Variants in UBE2E1 observed in about 807,000 individuals in gnomAD.
The protein encoded by UBE2E1 is ubiquitin-conjugating enzyme E2 E1.
A neutral mutation model predicts 21.4 loss-of-function variants in UBE2E1; 6 were observed. The observed-to-expected ratio is 0.28, with a 90% CI of 0.15 to 0.55. The LOEUF is 0.55. Among genes scored for constraint, UBE2E1 ranks in the 20% least tolerant of loss-of-function variants. UBE2E1 has a pLI of 0.93. For missense variants in UBE2E1, 142 were observed against 236.5 expected, an observed-to-expected ratio of 0.60 and a Z score of 2.62; for synonymous variants, 87 against 82.7, an observed-to-expected ratio of 1.05 and a Z score of -0.28.
intron 3 of UBE2E1, among the ~76,000 whole-genome samples, chr3:23,844,139 C>A (rs777303780): frequency 6.6e-6 from 1 of 152,106 alleles, no homozygotes; most frequent in Non-Finnish European, 1.5e-5. Flanking sequence ...CTACAGCTAG[C>A]TAGCCTAGTG....
chr3:23,847,654 T>A (rs1337073180), intron 3 of UBE2E1, among the ~76,000 whole-genome samples: 1 of 151,712 alleles, frequency 6.6e-6, no homozygotes, highest in Admixed American at 6.6e-5. Context: ...ACCACCACAC[T>A]CGGCTAATTT....
chr3:23,856,583 T>C (rs6550807), intron 3 of UBE2E1, among the ~76,000 whole-genome samples: 114,129 of 152,104 alleles, frequency 0.75, 43,481 homozygotes, highest in African/African-American at 0.84. Flanking sequence ...CTCCCTTTCA[T>C]CACCCATTAA....
chr3:23,889,508 A>C (rs898819930), intron 5 of UBE2E1: 1 of 1,385,678 alleles, frequency 7.2e-7, no homozygotes, highest in Non-Finnish European at 9.3e-7. Flanking sequence ...TTGGGCTTTT[A>C]GTTTCAATTA....
intron 3 of UBE2E1, among the ~76,000 whole-genome samples, chr3:23,878,107 A>G (rs1432319173): frequency 6.6e-6 from 1 of 152,184 alleles, no homozygotes. Context: ...TCAATTTACT[A>G]TCCTTGCTTG....
chr3:23,862,145 C>T (rs989938377), intron 3 of UBE2E1, among the ~76,000 whole-genome samples: 2 of 152,232 alleles, frequency 1.3e-5, no homozygotes, highest in African/African-American at 2.4e-5. Flanking sequence ...GCCACACCCC[C>T]ATCACACACC....
chr3:23,813,820 C>T lies in UBE2E1; in HGVS notation c.203+2310C>T, dbSNP rs554692057. Among the ~76,000 whole-genome samples the T allele has an allele frequency of 3.5e-4, 53 of 152,314 alleles. 1 individual carries two copies. In the South Asian group the frequency reaches 5.2e-3, roughly 15 times the overall value. On this transcript the variant is annotated intron_variant, in intron 3 of 5. Coordinates refer to ENST00000306627, the MANE Select transcript of UBE2E1 (RefSeq NM_003341.5). ...CCTCCCAAAGTGCTGGGGTTACGGG[C>T]GTGAGCCACTGCACCTGGCCTTGGG...
rs906423015 is a variant in UBE2E1 at position 23,806,148 on chromosome 3, A to C, written c.-34+60A>C. 1 of 137,186 alleles carries C rather than the reference A, an allele frequency of 7.3e-6. No individual in the cohort carries two copies. The highest frequency in any genetic ancestry group is 2.7e-5 in the African/African-American group (1 of 37,406). The allele number at this position is 137,186 out of a possible 1,614,324, so 8.5% of individuals were successfully genotyped here. ...GGCCGCGCCGCCGGGCCTCGGGGAC[A>C]CCCCTCGCCGCCTCCCCCGACTCGC... On this transcript the variant is annotated intron_variant, in intron 1 of 5. Transcript: ENST00000306627. This position sits in a 1 kb window ranked among gnomAD's most constrained non-coding sequence, Gnocchi z 6.5.
chr3:23,843,535 A>G (rs1016876363), intron 3 of UBE2E1, among the ~76,000 whole-genome samples: 2 of 152,198 alleles, frequency 1.3e-5, no homozygotes, highest in African/African-American at 4.8e-5. Context: ...GTTACACATA[A>G]TCAACTTTCA....
intron 3 of UBE2E1, among the ~76,000 whole-genome samples, chr3:23,821,074 G>A (rs1300595070): frequency 6.6e-6 from 1 of 152,246 alleles, no homozygotes; most frequent in Non-Finnish European, 1.5e-5. Context: ...AAACATTAGA[G>A]TGTCTGCTGT....
intron 2 of UBE2E1, among the ~76,000 whole-genome samples, chr3:23,809,904 ATAG>A (rs1699348449): frequency 6.6e-6 from 1 of 152,204 alleles, no homozygotes; most frequent in Admixed American, 6.5e-5. Context: ...ACGCTTTTTG[ATAG>A]TAGAATTTAG....
chr3:23,815,323 C>A (rs1699492381), intron 3 of UBE2E1, among the ~76,000 whole-genome samples: 1 of 152,150 alleles, frequency 6.6e-6, no homozygotes, highest in Non-Finnish European at 1.5e-5. Flanking sequence ...TTCCATTTAG[C>A]CTTCTTTTGA....
chr3:23,813,113 A>G (rs999751691), intron 3 of UBE2E1, among the ~76,000 whole-genome samples: 5 of 152,142 alleles, frequency 3.3e-5, no homozygotes, highest in Non-Finnish European at 5.9e-5. Flanking sequence ...AACCCTCCCA[A>G]TTACCCCTTC....
Position 23,890,748 on chromosome 3 carries a change from T to G in UBE2E1, c.*142T>G. The G allele has an allele frequency of 1.4e-6, 1 of 735,240 alleles. No individual in the cohort carries two copies. Among genetic ancestry groups the G allele is most frequent in the Non-Finnish European group, 2.0e-6 (1 of 497,462 alleles). The allele number at this position is 735,240 out of a possible 1,614,324, so 45.5% of individuals were successfully genotyped here. The stretch of plus-strand genomic sequence containing the variant: ...ATTATTCAGTCTTATTTCCTAAGAT[T>G]TTGTTGTAACTTAAGGTATCTTGCT... On this transcript the variant is annotated 3_prime_UTR_variant, in exon 6 of 6. Transcript: ENST00000306627.
chr3:23,843,050 A>T (rs558317307), intron 3 of UBE2E1, among the ~76,000 whole-genome samples: 101 of 151,056 alleles, frequency 6.7e-4, no homozygotes, highest in Middle Eastern at 3.5e-3. Context: ...TTATAGTAGT[A>T]TATAGTATGA....
intron 3 of UBE2E1, among the ~76,000 whole-genome samples, chr3:23,850,424 T>C (rs920791827): frequency 6.6e-6 from 1 of 152,194 alleles, no homozygotes; most frequent in Admixed American, 6.5e-5. Flanking sequence ...GTACAAAAGT[T>C]TGTGGTTTCA....
At chr3:23,872,057 C>T (rs1700809068) in intron 3 of UBE2E1, among the ~76,000 whole-genome samples, 4 of 152,200 alleles carry the variant, frequency 2.6e-5, no homozygotes, top group South Asian at 2.1e-4. Flanking sequence ...GCCGAGATCA[C>T]GCCACTGCGC....
intron 3 of UBE2E1, among the ~76,000 whole-genome samples, chr3:23,884,052 ATAT>A (rs1240091652): frequency 6.6e-6 from 1 of 152,092 alleles, no homozygotes; most frequent in Non-Finnish European, 1.5e-5. Context: ...ACTACATTTG[ATAT>A]TATTTCACTT....
intron 4 of UBE2E1, chr3:23,888,295 T>C (rs933650753): frequency 2.2e-6 from 1 of 456,956 alleles, no homozygotes; most frequent in African/African-American, 2.0e-5. Context: ...TCTCCTGTAC[T>C]CAATCTATGA....
rs146169147 is a variant in UBE2E1 at position 23,814,723 on chromosome 3, C to G, written c.203+3213C>G. Among the ~76,000 whole-genome samples, 93 of 152,206 alleles carry G rather than the reference C, an allele frequency of 6.1e-4. 1 individual carries two copies. In the East Asian group the frequency reaches 0.016, roughly 27 times the overall value. On this transcript the variant is annotated intron_variant, in intron 3 of 5. Transcript: ENST00000306627. ...AGTTTTGCAGCTGTTATTTATAGCC[C>G]AGGGCTCAAACTTTGCTAAATTGAC...
Sources: gnomAD v4.1 joint callset for allele counts (sites outside exome capture counted in the v4.1 genomes callset) on GRCh38, gnomAD v4.1.1 for gene constraint, Gnocchi (gnomAD v3.1) non-coding constraint, MANE v1.5 for transcripts, NCBI Gene and HGNC (gene_info 2026-07-23, HGNC 2026-07-21) for gene names.